The following FILIP1L variants were observed in gnomAD, a reference collection of about 807,000 sequenced individuals.
The protein encoded by FILIP1L is filamin A interacting protein 1 like, also known as filamin A-interacting protein 1-like.
FILIP1L carries 55 observed loss-of-function variants against 96.6 expected under a neutral mutation model. The observed-to-expected ratio is 0.57, with a 90% confidence interval of 0.46 to 0.71. The LOEUF is 0.71. Ranked by LOEUF, FILIP1L falls within the 30% of genes least tolerant of loss-of-function variation. The pLI is 0.00. For missense variants in FILIP1L, 1,304 were observed against 1,321.2 expected, an observed-to-expected ratio of 0.99 and a Z score of 0.20; for synonymous variants, 467 against 473.9, an observed-to-expected ratio of 0.99 and a Z score of 0.19.
At chr3:100,029,767 A>G (rs1354544536) in intron 1 of FILIP1L, among the ~76,000 whole-genome samples, 2 of 152,192 alleles carry the variant, frequency 1.3e-5, no homozygotes, top group Non-Finnish European at 1.5e-5. Context: ...AACTGCTACT[A>G]AGAGGGCTTT....
Position 99,930,027 on chromosome 3 carries a change from A to T in FILIP1L, c.255T>A (p.Ala85=). 6.3e-7 allele frequency: 1 copy of T among 1,599,314 alleles called. No individual in the cohort carries two copies. Among genetic ancestry groups the T allele is most frequent in the Non-Finnish European group, 8.5e-7 (1 of 1,174,484 alleles). The change falls in exon 3 of 6, where the codon GCT becomes GCA. Residue 85 remains alanine (A), a splice_region_variant and synonymous_variant. Coordinates refer to ENST00000477258, the MANE Select transcript of FILIP1L (RefSeq NM_001387850.1). ...TTAAAATGCCTATGACCTCATCTCG[A>T]GCCTGTAGGAACAAAAAGTATTTCA... ...LLSILEGELQ[A]RDEVIGILKA...
At chr3:99,962,958 A>G (rs917661105) in intron 1 of FILIP1L, among the ~76,000 whole-genome samples, 5 of 152,224 alleles carry the variant, frequency 3.3e-5, no homozygotes, top group African/African-American at 1.2e-4. Context: ...CATATTTCAC[A>G]TGTTACTCAC....
chr3:99,829,416 C>G lies in FILIP1L; in HGVS notation c.*998G>C, dbSNP rs192981880. ...ATTGCTTTAGCTTTCTGCCAGGGGACTGTGTCTACCCTTATAGATGACTGT... is the reference window on the plus strand; with the variant it reads ...ATTGCTTTAGCTTTCTGCCAGGGGAGTGTGTCTACCCTTATAGATGACTGT... On this transcript the variant is annotated 3_prime_UTR_variant, in exon 6 of 6. Transcript: ENST00000477258. Among the ~76,000 whole-genome samples, 1 of 152,294 alleles carries G rather than the reference C, an allele frequency of 6.6e-6. No homozygotes were observed. The highest frequency in any genetic ancestry group is 1.9e-4 in the East Asian group (1 of 5,182).
chr3:99,963,295 T>C (rs1360369720), intron 1 of FILIP1L, among the ~76,000 whole-genome samples: 16 of 152,226 alleles, frequency 1.1e-4, no homozygotes, highest in Admixed American at 1.0e-3. Flanking sequence ...ATGTGGTGGA[T>C]ATATGCAGGT....
In FILIP1L at chr3:99,929,887, T is replaced by C. The variant is rs1413597249; in HGVS notation, c.395A>G (p.Gln132Arg). ...DAFQAKSTPW[Q>R]EDIYEKPMNE... ...CATTGGTTTCTCATAGATGTCCTCC[T>C]GCCAAGGGGTAGATTTCGCTTGAAA... Residue 132 changes from glutamine (Q) to arginine (R), a missense_variant, in exon 3 of 6, where the codon CAG becomes CGG. Transcript: ENST00000477258. 3.7e-6 allele frequency: 6 copies of C among 1,613,550 alleles called. No individual in the cohort carries two copies. The highest frequency in any genetic ancestry group is 5.1e-6 in the Non-Finnish European group (6 of 1,179,836).
intron 1 of FILIP1L, among the ~76,000 whole-genome samples, chr3:100,049,060 G>A (rs1366292261): frequency 1.3e-5 from 2 of 152,126 alleles, no homozygotes; most frequent in Non-Finnish European, 2.9e-5. Context: ...CAGAAACAAA[G>A]TCGATGTCTG....
At chr3:99,953,424 G>A (rs1224216654) in intron 1 of FILIP1L, among the ~76,000 whole-genome samples, 1 of 152,146 alleles carries the variant, frequency 6.6e-6, no homozygotes, top group Non-Finnish European at 1.5e-5. Context: ...TTCTGAGGGT[G>A]CAGTTTGAGG....
intron 1 of FILIP1L, among the ~76,000 whole-genome samples, chr3:100,104,978 A>G (rs572264704): frequency 1.3e-5 from 2 of 152,330 alleles, no homozygotes; most frequent in South Asian, 2.1e-4. Context: ...CTGTAAAAGT[A>G]TCTGCCTTTA....
intron 4 of FILIP1L, among the ~76,000 whole-genome samples, chr3:99,893,369 A>G (rs188331651): frequency 9.3e-4 from 141 of 151,942 alleles, no homozygotes; most frequent in South Asian, 4.6e-3. Context: ...GTTTCACTGT[A>G]TTAGCCAGAA....
At chr3:99,942,082 T>G (rs1038417726) in intron 1 of FILIP1L, among the ~76,000 whole-genome samples, 3 of 151,894 alleles carry the variant, frequency 2.0e-5, no homozygotes, top group African/African-American at 7.3e-5. Flanking sequence ...TGGGGCATGG[T>G]GGTGGGCGCC....
At chr3:100,039,194 G>C (rs1404106498) in intron 1 of FILIP1L, among the ~76,000 whole-genome samples, 1 of 152,116 alleles carries the variant, frequency 6.6e-6, no homozygotes, top group Non-Finnish European at 1.5e-5. Flanking sequence ...CACTGTAGTG[G>C]TGAAAACCAT....
chr3:99,930,799 A>G lies in FILIP1L; in HGVS notation c.222T>C (p.Phe74=). Residue 74 remains phenylalanine, a synonymous_variant, in exon 2 of 6, where the codon TTT becomes TTC. Coordinates refer to ENST00000477258, the MANE Select transcript of FILIP1L (RefSeq NM_001387850.1). ...GTTCTCCCTCCAGAATGCTGAGGAG[A>G]AATAACAGGTCATCTCTTGAGAGGT... ...AEDLSRDDLL[F]LLSILEGELQ... 6.2e-7 allele frequency: 1 copy of G among 1,613,036 alleles called. No homozygotes were observed. The highest frequency in any genetic ancestry group is 8.5e-7 in the Non-Finnish European group (1 of 1,179,790).
chr3:100,065,946 G>A (rs1362219831), intron 1 of FILIP1L, among the ~76,000 whole-genome samples: 3 of 152,164 alleles, frequency 2.0e-5, no homozygotes, highest in Non-Finnish European at 4.4e-5. Context: ...AAAGTATTAG[G>A]CCCCACACTG....
At chr3:100,001,233 A>T (rs1709833521) in intron 1 of FILIP1L, among the ~76,000 whole-genome samples, 1 of 152,236 alleles carries the variant, frequency 6.6e-6, no homozygotes, top group Non-Finnish European at 1.5e-5. Context: ...TGACCAGCAG[A>T]TCAAATCAGA....
chr3:100,004,398 C>A (rs534672244), intron 1 of FILIP1L, among the ~76,000 whole-genome samples: 1 of 152,068 alleles, frequency 6.6e-6, no homozygotes, highest in Non-Finnish European at 1.5e-5. Context: ...ATCAAATATT[C>A]TTTGTGTTCA....
At chr3:99,912,480 T>A (rs1207146043) in intron 4 of FILIP1L, among the ~76,000 whole-genome samples, 1 of 152,138 alleles carries the variant, frequency 6.6e-6, no homozygotes, top group Non-Finnish European at 1.5e-5. Flanking sequence ...TGGACTCAGG[T>A]GATCCTCCTA....
chr3:99,953,255 C>T (rs1317373628), intron 1 of FILIP1L, among the ~76,000 whole-genome samples: 2 of 152,028 alleles, frequency 1.3e-5, no homozygotes, highest in East Asian at 1.9e-4. Flanking sequence ...TATAACCAAT[C>T]GTTTCTTTGT....
At chr3:99,968,026 C>A (rs1482856005) in intron 1 of FILIP1L, among the ~76,000 whole-genome samples, 1 of 152,160 alleles carries the variant, frequency 6.6e-6, no homozygotes, top group Non-Finnish European at 1.5e-5. Context: ...ATGCTGTTCA[C>A]AGAGAGATAC....
chr3:99,837,256 C>T (rs1247667264), intron 5 of FILIP1L, among the ~76,000 whole-genome samples: 1 of 152,114 alleles, frequency 6.6e-6, no homozygotes, highest in African/African-American at 2.4e-5. Flanking sequence ...AACTATCTGC[C>T]TCTTGTGTTA....
Sources: allele counts gnomAD v4.1 joint callset (sites outside exome capture counted in the v4.1 genomes callset), GRCh38; gene constraint gnomAD v4.1.1; transcripts MANE v1.5; gene names NCBI Gene and HGNC (gene_info 2026-07-23, HGNC 2026-07-21).